Variants in TSPAN3 observed in about 807,000 individuals in gnomAD.
The protein encoded by TSPAN3 is tetraspanin-3.
TSPAN3 carries 9 observed loss-of-function variants against 31.1 expected under a neutral mutation model. The ratio of observed to expected loss-of-function variants is 0.29; its 90% CI spans 0.17 to 0.50. The LOEUF (loss-of-function observed/expected upper bound fraction) is 0.50. Ranked by LOEUF, TSPAN3 falls within the 20% of genes least tolerant of loss-of-function variation. TSPAN3 has a pLI of 0.98. For missense variants in TSPAN3, 252 were observed against 313.5 expected (o/e 0.80, Z 1.48); for synonymous variants, 129 against 114.3 (o/e 1.13, Z -0.82).
intron 6 of TSPAN3, among the ~76,000 whole-genome samples, chr15:77,050,476 T>C (rs2076723315): frequency 6.6e-6 from 1 of 152,194 alleles, no homozygotes; most frequent in Non-Finnish European, 1.5e-5. Context: ...TTAGCCCCTA[T>C]TGAAAAATAT....
chr15:77,057,982 T>C (rs1272849910), intron 1 of TSPAN3, among the ~76,000 whole-genome samples: 1 of 152,198 alleles, frequency 6.6e-6, no homozygotes, highest in African/African-American at 2.4e-5. Flanking sequence ...CTAATTTTTC[T>C]GGTCAAACAT....
At chr15:77,064,555 G>A (rs1400385009) in intron 1 of TSPAN3, 1 of 152,180 alleles carries the variant, frequency 6.6e-6, no homozygotes, top group Non-Finnish European at 1.5e-5. Flanking sequence ...CAACTAGAGA[G>A]AGCGCCCCTG....
intron 3 of TSPAN3, 41 bp from the exon 4 acceptor site, chr15:77,054,320 TA>T: frequency 7.3e-7 from 1 of 1,366,100 alleles, no homozygotes; most frequent in Non-Finnish European, 1.0e-6. Context: ...AAAATACTAG[TA>T]AAAGTAACAT....
intron 1 of TSPAN3, among the ~76,000 whole-genome samples, chr15:77,068,505 T>A (rs535452212): frequency 2.0e-5 from 3 of 152,306 alleles, no homozygotes; most frequent in Admixed American, 6.5e-5. Flanking sequence ...ACAATTCCAG[T>A]CCCTGAGCTT....
In TSPAN3 at chr15:77,051,221, TCAGG is replaced by T. The variant is rs1172754795; in HGVS notation, c.669+1160_669+1163del. 3.9e-5 allele frequency among the ~76,000 whole-genome samples: 6 copies of T among 152,146 alleles called. No homozygotes were observed. In the East Asian group the frequency reaches 9.7e-4, roughly 25 times the overall value. ...GCTCTTTTAGCTCTTGAAATAGGTT[TCAGG>T]CTTAAGAAAGCATAAGCTGAGGCTG... On this transcript the variant is annotated intron_variant, in intron 6 of 6. Transcript: ENST00000267970.
chr15:77,044,786 T>C lies in TSPAN3; in HGVS notation c.*2049A>G, dbSNP rs140311737. ...AACAACCAACATCACAGTCCAAATA[T>C]TGCTCACCTCAGGGCCAGCCTGTGA... is the stretch of plus-strand genomic sequence containing the variant. On this transcript the variant is annotated 3_prime_UTR_variant, in exon 7 of 7. Coordinates refer to ENST00000267970, the MANE Select transcript of TSPAN3 (RefSeq NM_005724.6). The C allele has an allele frequency of 1.3e-5, 2 of 152,280 alleles. No individual in the cohort carries two copies. The highest frequency in any genetic ancestry group is 2.9e-5 in the Non-Finnish European group (2 of 68,072). 9.4% of individuals were successfully genotyped at this position (152,280 alleles called of 1,614,324 possible). A position where few individuals can be genotyped will look rare whatever the true frequency, so the allele number is the denominator to read the frequency against.
chr15:77,054,148 C>CA (rs1364766263), intron 4 of TSPAN3, 30 bp downstream of exon 4: 2 of 1,560,326 alleles, frequency 1.3e-6, no homozygotes, highest in Non-Finnish European at 1.8e-6. Context: ...GATTGGTCCT[C>CA]AAAAACAAAT....
chr15:77,042,881 G>A lies in TSPAN3; in HGVS notation c.*3954C>T, dbSNP rs1438845350. On this transcript the variant is annotated 3_prime_UTR_variant, in exon 7 of 7. Coordinates refer to ENST00000267970, the MANE Select transcript of TSPAN3 (RefSeq NM_005724.6). ...GCTATGGAGAAAGTGGACACACCTC[G>A]ACTAGGTGTGCCAGGTACTCATTTA... The A allele has an allele frequency of 3.3e-5, 5 of 152,068 alleles. No homozygotes were observed. The highest frequency in any genetic ancestry group is 9.7e-5 in the African/African-American group (4 of 41,380). 9.4% of individuals were successfully genotyped at this position (152,068 alleles called of 1,614,324 possible). A position where few individuals can be genotyped will look rare whatever the true frequency, so the allele number is the denominator to read the frequency against.
intron 3 of TSPAN3, chr15:77,054,737 G>C (rs1007483841): frequency 3.3e-5 from 5 of 152,730 alleles, no homozygotes; most frequent in African/African-American, 1.2e-4. Flanking sequence ...TCAACGTTTA[G>C]AGTTGGCTAA....
intron 1 of TSPAN3, among the ~76,000 whole-genome samples, chr15:77,069,173 G>C (rs150007628): frequency 6.6e-6 from 1 of 152,194 alleles, no homozygotes; most frequent in Admixed American, 6.5e-5. Flanking sequence ...TCTTGGGCCA[G>C]AGATTGCTGA....
rs973584728 is a variant in TSPAN3, at chr15:77,046,421, G to A, written c.*414C>T. The A allele has an allele frequency of 2.5e-6, 1 of 406,910 alleles. No homozygotes were observed. The highest frequency in any genetic ancestry group is 4.3e-6 in the Non-Finnish European group (1 of 230,208). 25.2% of individuals were successfully genotyped at this position (406,910 alleles called of 1,614,324 possible). A position where few individuals can be genotyped will look rare whatever the true frequency, so the allele number is the denominator to read the frequency against. ...ATCTGGTGTTAACCTTAACCAGAAA[G>A]CTGGTTTCCTCCTCCTCCCCGCAAA... is the stretch of plus-strand genomic sequence containing the variant. On this transcript the variant is annotated 3_prime_UTR_variant, in exon 7 of 7. Coordinates refer to ENST00000267970, the MANE Select transcript of TSPAN3 (RefSeq NM_005724.6).
rs2076674260 is a variant in TSPAN3 at position 77,044,012 on chromosome 15, G to C, written c.*2823C>G. 6.6e-6 allele frequency: 1 copy of C among 152,154 alleles called. No homozygotes were observed. The highest frequency in any genetic ancestry group is 1.5e-5 in the Non-Finnish European group (1 of 68,032). The allele number at this position is 152,154 out of a possible 1,614,324, so 9.4% of individuals were successfully genotyped here. On this transcript the variant is annotated 3_prime_UTR_variant, in exon 7 of 7. Coordinates refer to ENST00000267970, the MANE Select transcript of TSPAN3 (RefSeq NM_005724.6). ...ATGTTAATAGGTGTATCTGGGCAAA[G>C]GATATTTGAGCCTCATTTGTACAGT...
chr15:77,060,923 A>G (rs749910967), intron 1 of TSPAN3, among the ~76,000 whole-genome samples: 2 of 152,130 alleles, frequency 1.3e-5, no homozygotes, highest in Non-Finnish European at 2.9e-5. Context: ...TTAAAAAACC[A>G]TTATTCTTTA....
Position 77,046,931 on chromosome 15 carries a change from T to C in TSPAN3, c.670-4A>G, listed in dbSNP as rs1204013291. On this transcript the variant is annotated splice_region_variant and splice_polypyrimidine_tract_variant and intron_variant, in intron 6 of 6. Coordinates refer to ENST00000267970, the MANE Select transcript of TSPAN3 (RefSeq NM_005724.6). ...AAGCACACAGCATGCCCAGCAGCTGTTGAAAGAAAACAACAATGGGGAAAA... is the reference window on the plus strand; with the variant it reads ...AAGCACACAGCATGCCCAGCAGCTGCTGAAAGAAAACAACAATGGGGAAAA... 2.5e-6 allele frequency: 4 copies of C among 1,571,168 alleles called. No homozygotes were observed. The highest frequency in any genetic ancestry group is 4.7e-5 in the East Asian group (2 of 42,708).
chr15:77,070,591 G>A (rs1306009990), intron 1 of TSPAN3, among the ~76,000 whole-genome samples: 1 of 151,972 alleles, frequency 6.6e-6, no homozygotes, highest in Non-Finnish European at 1.5e-5. Flanking sequence ...CCGGGGGGGG[G>A]AGACTGGGGC....
At chr15:77,051,282 C>T (rs1014957438) in intron 6 of TSPAN3, among the ~76,000 whole-genome samples, 2 of 151,970 alleles carry the variant, frequency 1.3e-5, no homozygotes, top group African/African-American at 4.8e-5. Context: ...AATCCCAGTA[C>T]TTTGGGAGGC....
intron 6 of TSPAN3, among the ~76,000 whole-genome samples, chr15:77,051,163 TG>T (rs1278385856): frequency 1.3e-5 from 2 of 152,046 alleles, no homozygotes; most frequent in Non-Finnish European, 2.9e-5. Flanking sequence ...TCTCCCAAAG[TG>T]CTGGGATTAC....
intron 1 of TSPAN3, among the ~76,000 whole-genome samples, chr15:77,067,187 C>T (rs982845581): frequency 3.3e-5 from 5 of 152,154 alleles, no homozygotes; most frequent in African/African-American, 1.2e-4. Context: ...GACAAACATT[C>T]TAACCATAGC....
intron 1 of TSPAN3, among the ~76,000 whole-genome samples, chr15:77,066,974 G>A (rs1481337135): frequency 6.6e-6 from 1 of 152,044 alleles, no homozygotes; most frequent in Non-Finnish European, 1.5e-5. Context: ...TGGTGAGGGG[G>A]CTGAGTATGC....
Sources: allele counts gnomAD v4.1 joint callset (sites outside exome capture counted in the v4.1 genomes callset), GRCh38; gene constraint gnomAD v4.1.1; transcripts MANE v1.5; gene names NCBI Gene and HGNC (gene_info 2026-07-23, HGNC 2026-07-21).